The following ATP10B variants were observed in gnomAD, a reference collection of about 807,000 sequenced individuals.
The protein encoded by ATP10B is ATPase phospholipid transporting 10B (putative).
Under a neutral mutation model 141.2 loss-of-function variants are expected in ATP10B, and 122 were observed. The observed-to-expected ratio is 0.86, with a 90% CI of 0.75 to 1.00. The LOEUF (loss-of-function observed/expected upper bound fraction) is 1.00. ATP10B is among the 50% of genes least tolerant of loss of function. ATP10B has a pLI of 0.00. For synonymous variants in ATP10B, 685 were observed against 692.0 expected, an observed-to-expected ratio of 0.99 and a Z score of 0.16; for missense variants, 1,876 against 1,825.3, an observed-to-expected ratio of 1.03 and a Z score of -0.51.
chr5:160,918,052 G>A, the ATP10B span, among the ~76,000 whole-genome samples: 3 of 152,322 alleles, frequency 2.0e-5, no homozygotes, highest in South Asian at 2.1e-4. Context: ...GGAGAGCTGC[G>A]TGTTCTCATT....
intron 7 of ATP10B, 62 bp from the exon 8 acceptor site, chr5:160,649,318 C>T (rs1238827542): frequency 8.5e-7 from 1 of 1,172,568 alleles, no homozygotes; most frequent in Non-Finnish European, 1.3e-6. Flanking sequence ...AATAGGATCA[C>T]TGGGAGAGCT....
intron 6 of ATP10B, 146 bp downstream of exon 6, chr5:160,685,933 A>G: frequency 7.6e-6 from 5 of 654,352 alleles, no homozygotes; most frequent in Non-Finnish European, 1.2e-5. Flanking sequence ...AATGCCCACT[A>G]GGGGTCGAAA....
the ATP10B span, among the ~76,000 whole-genome samples, chr5:160,873,299 C>T: frequency 2.0e-5 from 3 of 152,104 alleles, no homozygotes; most frequent in African/African-American, 7.2e-5. Flanking sequence ...TCATTCTTCA[C>T]GGTGAAACTC....
the ATP10B span, among the ~76,000 whole-genome samples, chr5:160,921,721 C>T: frequency 6.6e-6 from 1 of 152,166 alleles, no homozygotes; most frequent in African/African-American, 2.4e-5. Flanking sequence ...GAAGGCTGTA[C>T]CTGGCTGTGC....
intron 6 of ATP10B, among the ~76,000 whole-genome samples, chr5:160,673,329 T>C (rs1762829801): frequency 6.6e-6 from 1 of 152,210 alleles, no homozygotes; most frequent in South Asian, 2.1e-4. Flanking sequence ...ATGGGGTACA[T>C]GGGATGCTTT....
In ATP10B at chr5:160,830,852, A is replaced by G. The variant is rs181303356; in HGVS notation, c.-576+21089T>C. ...TGCTGGCCTTCAACCTCGGACTCTT[A>G]TTTTAGTTAATCTGACATCTCCAAA... On this transcript the variant is annotated intron_variant, in intron 1 of 25. Coordinates refer to ENST00000327245, the MANE Select transcript of ATP10B (RefSeq NM_025153.3). Among the ~76,000 whole-genome samples the G allele has an allele frequency of 1.7e-3, 252 of 152,044 alleles. 2 individuals are homozygous for G. Among genetic ancestry groups the G allele is most frequent in the Admixed American group, 2.7e-3 (41 of 15,238 alleles).
intron 10 of ATP10B, among the ~76,000 whole-genome samples, chr5:160,638,574 A>C (rs1224832812): frequency 6.6e-6 from 1 of 152,054 alleles, no homozygotes; most frequent in Non-Finnish European, 1.5e-5. Flanking sequence ...GAGTGCTATT[A>C]GACATACCTG....
intron 2 of ATP10B, among the ~76,000 whole-genome samples, chr5:160,757,799 C>A (rs890083033): frequency 1.6e-4 from 25 of 152,168 alleles, no homozygotes; most frequent in Non-Finnish European, 3.2e-4. Flanking sequence ...GGCTGCAGAA[C>A]AGGATTTCCC....
At chr5:160,792,664 C>T (rs1037160240) in intron 1 of ATP10B, among the ~76,000 whole-genome samples, 1 of 152,168 alleles carries the variant, frequency 6.6e-6, no homozygotes, top group African/African-American at 2.4e-5. Context: ...GGAATACCTG[C>T]TGCTGTCTAC....
chr5:160,864,756 G>A, the ATP10B span, among the ~76,000 whole-genome samples: 4 of 151,854 alleles, frequency 2.6e-5, no homozygotes, highest in African/African-American at 4.8e-5. Context: ...ACACAAATCA[G>A]TAACTGCTGT....
In ATP10B at chr5:160,721,581, G is replaced by A. The variant is rs572298691; in HGVS notation, c.-330-4547C>T. Among the ~76,000 whole-genome samples, 34 of 152,330 alleles carry A rather than the reference G, an allele frequency of 2.2e-4. No homozygotes were observed. In the South Asian group the frequency reaches 6.6e-3, roughly 30 times the overall value. On this transcript the variant is annotated intron_variant, in intron 2 of 25. Transcript: ENST00000327245. ...GGAGACTGATGAGAGGAAAATGTGAGAGGCAGGTGGAAAAGGCTAAGAGGA... is the reference window on the plus strand; with the variant it reads ...GGAGACTGATGAGAGGAAAATGTGAAAGGCAGGTGGAAAAGGCTAAGAGGA...
At chr5:160,629,007 A>G (rs1325339353) in intron 13 of ATP10B, among the ~76,000 whole-genome samples, 1 of 152,098 alleles carries the variant, frequency 6.6e-6, no homozygotes, top group Non-Finnish European at 1.5e-5. Flanking sequence ...TTTAGAGCAA[A>G]GGGCCAAGGA....
intron 10 of ATP10B, among the ~76,000 whole-genome samples, chr5:160,640,039 C>T (rs1260604325): frequency 6.6e-6 from 1 of 152,214 alleles, no homozygotes; most frequent in African/African-American, 2.4e-5. Context: ...GGTACTGGCC[C>T]TTGGCCCAGG....
At chr5:160,811,578 T>C (rs1310782001) in intron 1 of ATP10B, among the ~76,000 whole-genome samples, 1 of 152,142 alleles carries the variant, frequency 6.6e-6, no homozygotes, top group Non-Finnish European at 1.5e-5. Context: ...GTGGCCATGG[T>C]GTGGCCATTT....
chr5:160,788,984 A>G (rs944776074), intron 1 of ATP10B, among the ~76,000 whole-genome samples: 4 of 152,176 alleles, frequency 2.6e-5, no homozygotes, highest in African/African-American at 9.7e-5. Flanking sequence ...CAAAAATTCT[A>G]AAGTGGAGAG....
At chr5:160,861,698 A>T in the ATP10B span, among the ~76,000 whole-genome samples, 1 of 151,916 alleles carries the variant, frequency 6.6e-6, no homozygotes, top group African/African-American at 2.4e-5. Context: ...GAAAAAAGGT[A>T]ATATAATCCC....
intron 7 of ATP10B, among the ~76,000 whole-genome samples, chr5:160,664,858 G>C (rs1318647723): frequency 6.6e-6 from 1 of 152,202 alleles, no homozygotes; most frequent in East Asian, 1.9e-4. Flanking sequence ...CTTTGGCTTA[G>C]ATAACTGTTA....
chr5:160,634,432 T>A lies in ATP10B; in HGVS notation c.1303A>T (p.Thr435Ser). The A allele has an allele frequency of 6.2e-7, 1 of 1,614,176 alleles. No individual in the cohort carries two copies. Among genetic ancestry groups the A allele is most frequent in the South Asian group, 1.1e-5 (1 of 91,076 alleles). The stretch of plus-strand genomic sequence containing the variant: ...ATCTTGTTCTCTGTCAGGGTCCCCG[T>A]CTTATCGGAGAAGATGTACTGGATC... Reference protein sequence around the residue: ...GQIQYIFSDKTGTLTENKMVF... With the variant: ...GQIQYIFSDKSGTLTENKMVF... Residue 435 changes from threonine to serine, a missense_variant, in exon 12 of 26, where the codon ACG (threonine) becomes TCG (serine). By Grantham distance (58) the Thr-to-Ser change is moderately conservative. Coordinates refer to ENST00000327245, the MANE Select transcript of ATP10B (RefSeq NM_025153.3).
At chr5:160,585,204 C>G (rs1362600946) in intron 24 of ATP10B, among the ~76,000 whole-genome samples, 1 of 152,164 alleles carries the variant, frequency 6.6e-6, no homozygotes, top group East Asian at 1.9e-4. Context: ...GCTCCCAAAA[C>G]TACATTTCAA....
Sources: gnomAD v4.1 joint callset for allele counts (sites outside exome capture counted in the v4.1 genomes callset) on GRCh38, gnomAD v4.1.1 for gene constraint, MANE v1.5 for transcripts, NCBI Gene and HGNC (gene_info 2026-07-23, HGNC 2026-07-21) for gene names.